Variants in HAPSTR1 observed in about 807,000 individuals in gnomAD.
The protein encoded by HAPSTR1 is HUWE1 associated protein modifying stress responses, also known as HUWE1-associated protein modifying stress responses 1.
At chr16:9,109,179 G>C in the HAPSTR1 span, 1 of 152,066 alleles carries the variant, frequency 6.6e-6, no homozygotes, top group Non-Finnish European at 1.5e-5. Context: ...TAGTGAAGTT[G>C]GTTACGTTGT....
At chr16:9,092,275 G>GGCC in the HAPSTR1 span, 11 of 1,528,702 alleles carry the variant, frequency 7.2e-6, no homozygotes, top group South Asian at 2.4e-5. Context: ...ACAAAGGTGA[G>GGCC]GCCGCCGCCG....
At chr16:9,094,629 GTTCCAGTTAC>G in the HAPSTR1 span, among the ~76,000 whole-genome samples, 14 of 152,208 alleles carry the variant, frequency 9.2e-5, no homozygotes, top group African/African-American at 3.4e-4. Flanking sequence ...TGTCTGGCTT[GTTCCAGTTAC>G]TATGATAAGG....
At chr16:9,097,940 C>T in the HAPSTR1 span, among the ~76,000 whole-genome samples, 2 of 152,178 alleles carry the variant, frequency 1.3e-5, no homozygotes, top group Non-Finnish European at 2.9e-5. Context: ...GAGCTTCTCT[C>T]GAAACATGGT....
At chr16:9,114,159 A>G in the HAPSTR1 span, among the ~76,000 whole-genome samples, 1 of 152,050 alleles carries the variant, frequency 6.6e-6, no homozygotes, top group Non-Finnish European at 1.5e-5. Flanking sequence ...GTTGGGGAAG[A>G]GGAAGTGAAG....
the HAPSTR1 span, chr16:9,117,110 A>G: frequency 1.4e-5 from 10 of 723,244 alleles, no homozygotes; most frequent in East Asian, 1.4e-4. Flanking sequence ...TCTTAAAACT[A>G]TAATCCTAGC....
At chr16:9,114,976 CCT>C in the HAPSTR1 span, among the ~76,000 whole-genome samples, 1 of 152,216 alleles carries the variant, frequency 6.6e-6, no homozygotes, top group East Asian at 1.9e-4. Context: ...AGTTTGATTT[CCT>C]CTGACCACCA....
the HAPSTR1 span, chr16:9,112,604 A>G: frequency 6.6e-6 from 1 of 152,234 alleles, no homozygotes; most frequent in Non-Finnish European, 1.5e-5. Flanking sequence ...CCTGTGTGTG[A>G]CCTCTAACTA....
At chr16:9,101,735 C>T in the HAPSTR1 span, among the ~76,000 whole-genome samples, 5 of 133,064 alleles carry the variant, frequency 3.8e-5, no homozygotes, top group South Asian at 1.1e-3. Flanking sequence ...TCTGTGATGT[C>T]TGGATGATTT....
At chr16:9,091,949 C>T in the HAPSTR1 span, 5 of 1,120,304 alleles carry the variant, frequency 4.5e-6, no homozygotes, top group African/African-American at 5.0e-5. Flanking sequence ...TCGCCAGGCC[C>T]TGCCGCCGGG....
the HAPSTR1 span, among the ~76,000 whole-genome samples, chr16:9,094,878 A>AG: frequency 6.6e-6 from 1 of 152,220 alleles, no homozygotes. Flanking sequence ...GGGTTCTTGT[A>AG]GAATGTGTCC....
chr16:9,119,446 C>A, the HAPSTR1 span: 2 of 152,216 alleles, frequency 1.3e-5, no homozygotes, highest in African/African-American at 4.8e-5. Context: ...TTCTCTGATT[C>A]TTTTAGACGT....
chr16:9,093,570 TGTTAACGTGCTGCTCTTCTCTA>T, the HAPSTR1 span, among the ~76,000 whole-genome samples: 4 of 152,216 alleles, frequency 2.6e-5, no homozygotes, highest in Admixed American at 2.0e-4. Flanking sequence ...TCTGCGCGCA[TGTTAACGTGCTGCTCTTCTCTA>T]GCAATTTGAT....
the HAPSTR1 span, chr16:9,110,672 C>T: frequency 6.6e-6 from 1 of 152,220 alleles, no homozygotes; most frequent in Admixed American, 6.5e-5. Flanking sequence ...CCTCTTCCAT[C>T]ACTATAGCTA....
At chr16:9,116,448 A>G in the HAPSTR1 span, among the ~76,000 whole-genome samples, 2 of 152,344 alleles carry the variant, frequency 1.3e-5, no homozygotes, top group South Asian at 2.1e-4. Flanking sequence ...AGTAATTGGT[A>G]GTTACCAATA....
the HAPSTR1 span, among the ~76,000 whole-genome samples, chr16:9,099,505 T>C: frequency 6.6e-6 from 1 of 152,194 alleles, no homozygotes; most frequent in Non-Finnish European, 1.5e-5. Context: ...CCCAGTTCCT[T>C]TTTTGAATAA....
chr16:9,097,357 C>G, the HAPSTR1 span, among the ~76,000 whole-genome samples: 1 of 151,972 alleles, frequency 6.6e-6, no homozygotes. Context: ...ATCCTCCCAC[C>G]TCAGCCACTG....
the HAPSTR1 span, among the ~76,000 whole-genome samples, chr16:9,114,852 AG>A: frequency 5.3e-5 from 8 of 152,230 alleles, no homozygotes; most frequent in African/African-American, 1.9e-4. Flanking sequence ...GAGATATTAT[AG>A]GTGTCATAGG....
At chr16:9,094,337 C>T in the HAPSTR1 span, among the ~76,000 whole-genome samples, 5 of 152,112 alleles carry the variant, frequency 3.3e-5, no homozygotes, top group Admixed American at 6.6e-5. Context: ...ATTGCTTCAA[C>T]ATCTATCAGT....
At chr16:9,114,660 G>A in the HAPSTR1 span, among the ~76,000 whole-genome samples, 1 of 152,180 alleles carries the variant, frequency 6.6e-6, no homozygotes, top group African/African-American at 2.4e-5. Context: ...GGCCTAAGAG[G>A]CAGGCTGGCC....
Sources: allele counts gnomAD v4.1 joint callset (sites outside exome capture counted in the v4.1 genomes callset), GRCh38; gene constraint gnomAD v4.1.1; transcripts MANE v1.5; gene names NCBI Gene and HGNC (gene_info 2026-07-23, HGNC 2026-07-21).